STX8: variants seen among roughly 807,000 people sequenced by gnomAD.
STX8 encodes syntaxin-8.
STX8 carries 23 observed loss-of-function variants against 37.5 expected under a neutral mutation model. That is an observed-to-expected ratio of 0.61 (90% confidence interval 0.44 to 0.87). STX8 has a LOEUF of 0.87. STX8 is among the 40% of genes least tolerant of loss of function. The pLI, the probability that STX8 is intolerant of heterozygous loss-of-function variation, is 0.00. For missense variants in STX8, 313 were observed against 284.7 expected, an observed-to-expected ratio of 1.10 and a Z score of -0.71; for synonymous variants, 115 against 99.1, an observed-to-expected ratio of 1.16 and a Z score of -0.95.
intron 4 of STX8, among the ~76,000 whole-genome samples, chr17:9,529,160 T>C (rs1212229368): frequency 7.5e-6 from 1 of 133,322 alleles, no homozygotes; most frequent in African/African-American, 2.7e-5. Flanking sequence ...AACCCTAACT[T>C]TTCAAAATCT....
intron 6 of STX8, among the ~76,000 whole-genome samples, chr17:9,392,249 T>C (rs1445759766): frequency 1.3e-5 from 2 of 152,154 alleles, no homozygotes; most frequent in African/African-American, 4.8e-5. Context: ...AAATTTCAAG[T>C]TGCATAAGAA....
intron 6 of STX8, among the ~76,000 whole-genome samples, chr17:9,441,958 G>A (rs1451465843): frequency 3.9e-5 from 6 of 152,014 alleles, no homozygotes; most frequent in Admixed American, 1.3e-4. Flanking sequence ...TACATACCGC[G>A]CCTGGCACCA....
chr17:9,313,315 C>T (rs1156896690), intron 7 of STX8, among the ~76,000 whole-genome samples: 2 of 152,200 alleles, frequency 1.3e-5, no homozygotes, highest in Non-Finnish European at 2.9e-5. Flanking sequence ...AAGATGTCGA[C>T]ATCCACTGCA....
chr17:9,267,955 C>T (rs572420583), intron 7 of STX8, among the ~76,000 whole-genome samples: 3 of 148,352 alleles, frequency 2.0e-5, no homozygotes, highest in East Asian at 2.0e-4. Flanking sequence ...CGTGCCATTG[C>T]ACTCCAGCCT....
intron 7 of STX8, chr17:9,378,284 C>A (rs936684921): frequency 2.8e-6 from 1 of 359,896 alleles, no homozygotes; most frequent in Non-Finnish European, 5.2e-6. Flanking sequence ...ATTTCCCAAA[C>A]CATTAATCTC....
At chr17:9,555,228 C>T (rs981068671) in intron 3 of STX8, 6 of 152,112 alleles carry the variant, frequency 3.9e-5, no homozygotes, top group Admixed American at 3.3e-4. Flanking sequence ...GGGACGACCA[C>T]AAAACCAAAA....
intron 7 of STX8, among the ~76,000 whole-genome samples, chr17:9,280,089 T>TG (rs1352560364): frequency 6.6e-6 from 1 of 152,090 alleles, no homozygotes; most frequent in Non-Finnish European, 1.5e-5. Flanking sequence ...GGCGTGGTGG[T>TG]GCACGCCTCT....
At position 9,393,977 on chromosome 17, in the gene STX8, GTTAA is replaced by G. The variant is rs1173462071; in HGVS notation, c.542-15328_542-15325del. 4.6e-5 allele frequency among the ~76,000 whole-genome samples: 7 copies of G among 152,118 alleles called. No individual in the cohort carries two copies. The East Asian group carries it at 1.3e-3, about 29-fold the overall frequency. On this transcript the variant is annotated intron_variant, in intron 6 of 7. Transcript: ENST00000306357. The stretch of plus-strand genomic sequence containing the variant: ...ACAAACACAGTCAATTTTGTTTTGT[GTTAA>G]TTTAAGAATTAAAATTTAAAAATAT...
chr17:9,559,942 A>T (rs984316209), intron 2 of STX8, among the ~76,000 whole-genome samples: 3 of 147,802 alleles, frequency 2.0e-5, no homozygotes, highest in Admixed American at 2.0e-4. Context: ...TTGTATTTTT[A>T]GTAGAGACAG....
intron 6 of STX8, among the ~76,000 whole-genome samples, chr17:9,466,637 T>C (rs989724400): frequency 5.9e-5 from 9 of 152,194 alleles, no homozygotes; most frequent in African/African-American, 1.9e-4. Flanking sequence ...GGTATAGTGA[T>C]ATTAAATCCC....
intron 6 of STX8, among the ~76,000 whole-genome samples, chr17:9,485,360 C>T (rs1284545357): frequency 6.6e-6 from 1 of 152,128 alleles, no homozygotes; most frequent in Non-Finnish European, 1.5e-5. Flanking sequence ...ATGAAGAAGG[C>T]ATTCATGGAG....
Position 9,314,166 on chromosome 17 carries a change from TGATGAATGAAA to T in STX8, c.644-63532_644-63522del, listed in dbSNP as rs143814637. Among the ~76,000 whole-genome samples the T allele has an allele frequency of 5.2e-3, 798 of 152,348 alleles. 6 individuals carry two copies. Among genetic ancestry groups the T allele is most frequent in the African/African-American group, 0.018 (750 of 41,582 alleles). ...TAACTCCTTGCTCTCTAAAAATGTTTGATGAATGAAAGATGAATTAACACTTTCATGCCCTC... is the reference window on the plus strand; with the variant it reads ...TAACTCCTTGCTCTCTAAAAATGTTTGATGAATTAACACTTTCATGCCCTC... On this transcript the variant is annotated intron_variant, in intron 7 of 7. Coordinates refer to ENST00000306357, the MANE Select transcript of STX8 (RefSeq NM_004853.3).
At chr17:9,550,469 G>C (rs1228665620) in intron 3 of STX8, among the ~76,000 whole-genome samples, 4 of 151,606 alleles carry the variant, frequency 2.6e-5, no homozygotes, top group Non-Finnish European at 5.9e-5. Flanking sequence ...AGCTACTCGG[G>C]AGGCTAAGGC....
intron 7 of STX8, among the ~76,000 whole-genome samples, chr17:9,270,327 C>T (rs1044239553): frequency 2.6e-4 from 40 of 152,330 alleles, no homozygotes; most frequent in Admixed American, 1.4e-3. Context: ...TCACTGCAAG[C>T]ACCGCCGTCT....
At chr17:9,525,909 A>G (rs1198042394) in intron 4 of STX8, among the ~76,000 whole-genome samples, 2 of 152,240 alleles carry the variant, frequency 1.3e-5, no homozygotes, top group Non-Finnish European at 2.9e-5. Context: ...TTGAGGAATC[A>G]TGGTTACCTT....
intron 7 of STX8, among the ~76,000 whole-genome samples, chr17:9,265,110 C>A (rs1907186763): frequency 6.7e-6 from 1 of 148,408 alleles, no homozygotes; most frequent in Admixed American, 6.7e-5. Flanking sequence ...GAGAACAAGA[C>A]CCAGTCTGAA....
chr17:9,445,972 A>T (rs768978335), intron 6 of STX8, among the ~76,000 whole-genome samples: 2 of 150,916 alleles, frequency 1.3e-5, no homozygotes, highest in Non-Finnish European at 2.9e-5. Flanking sequence ...AGTAGCTGGG[A>T]CTACAGGCGC....
intron 4 of STX8, among the ~76,000 whole-genome samples, chr17:9,525,288 A>G (rs916700071): frequency 6.6e-6 from 1 of 152,128 alleles, no homozygotes; most frequent in Non-Finnish European, 1.5e-5. Flanking sequence ...AACACATGGT[A>G]TAAATACATG....
At chr17:9,363,614 G>A (rs937778243) in intron 7 of STX8, among the ~76,000 whole-genome samples, 2 of 152,122 alleles carry the variant, frequency 1.3e-5, no homozygotes, top group Non-Finnish European at 2.9e-5. Context: ...ACCAGAAAAC[G>A]CGTACAAACA....
Sources: gnomAD v4.1 joint callset for allele counts (sites outside exome capture counted in the v4.1 genomes callset) on GRCh38, gnomAD v4.1.1 for gene constraint, MANE v1.5 for transcripts, NCBI Gene and HGNC (gene_info 2026-07-23, HGNC 2026-07-21) for gene names.